Variants in ESR2 observed in about 807,000 individuals in gnomAD.
The protein encoded by ESR2 is estrogen receptor beta.
In ESR2, 36 loss-of-function variants were observed where a neutral mutation model predicts 49.6. The ratio of observed to expected loss-of-function variants is 0.73; its 90% confidence interval spans 0.56 to 0.96. ESR2 has a LOEUF of 0.96. ESR2 is among the 40% of genes least tolerant of loss of function. ESR2 has a pLI of 0.00. For missense variants in ESR2, 714 were observed against 693.0 expected, an observed-to-expected ratio of 1.03 and a Z score of -0.34; for synonymous variants, 320 against 266.1, an observed-to-expected ratio of 1.20 and a Z score of -1.97.
At chr14:64,258,729 C>T (rs74840684) in intron 5 of ESR2, among the ~76,000 whole-genome samples, 2 of 152,308 alleles carry the variant, frequency 1.3e-5, no homozygotes, top group Non-Finnish European at 2.9e-5. Flanking sequence ...ACATGCTTTG[C>T]TCAGTTTAGG....
intron 1 of ESR2, among the ~76,000 whole-genome samples, chr14:64,320,056 G>A (rs1461770406): frequency 1.3e-5 from 2 of 151,748 alleles, no homozygotes; most frequent in Non-Finnish European, 2.9e-5. Context: ...TAAATGGAAA[G>A]CTAAAATGTA....
At chr14:64,291,690 C>T (rs1052469991) in intron 1 of ESR2, among the ~76,000 whole-genome samples, 1 of 152,124 alleles carries the variant, frequency 6.6e-6, no homozygotes, top group Non-Finnish European at 1.5e-5. Context: ...GACATGAGCA[C>T]AGAAATTTAA....
chr14:64,259,963 C>T (rs906498205), intron 5 of ESR2, among the ~76,000 whole-genome samples: 3 of 152,136 alleles, frequency 2.0e-5, no homozygotes, highest in Non-Finnish European at 4.4e-5. Context: ...TTCCAGGTTC[C>T]AGGACTCTAG....
At chr14:64,278,702 G>C (rs1349554193) in intron 3 of ESR2, among the ~76,000 whole-genome samples, 1 of 152,128 alleles carries the variant, frequency 6.6e-6, no homozygotes. Context: ...AATCAGGGCT[G>C]GTACGAGAGA....
At chr14:64,284,963 C>T (rs948444863) in intron 1 of ESR2, among the ~76,000 whole-genome samples, 1 of 151,972 alleles carries the variant, frequency 6.6e-6, no homozygotes, top group Admixed American at 6.6e-5. Context: ...GATTCTTCTG[C>T]CTCAGCATCC....
chr14:64,301,325 G>A (rs769291585), intron 1 of ESR2: 5 of 152,186 alleles, frequency 3.3e-5, no homozygotes, highest in Non-Finnish European at 5.9e-5. Context: ...CCGCATGTTT[G>A]GGTTCTTCTG....
chr14:64,311,082 C>T (rs1464487742), intron 1 of ESR2, among the ~76,000 whole-genome samples: 2 of 152,058 alleles, frequency 1.3e-5, no homozygotes, highest in African/African-American at 4.8e-5. Context: ...CAACTTATAG[C>T]TGTGCTTAGA....
intron 1 of ESR2, chr14:64,330,257 C>A (rs2077439493): frequency 6.6e-6 from 1 of 152,190 alleles, no homozygotes. Flanking sequence ...TGGAGAAACC[C>A]CATCTCTACT....
intron 7 of ESR2, among the ~76,000 whole-genome samples, chr14:64,240,583 C>T (rs541753618): frequency 6.6e-6 from 1 of 152,256 alleles, no homozygotes; most frequent in Non-Finnish European, 1.5e-5. Flanking sequence ...TTTGCGTGTA[C>T]GATTTGATGT....
At chr14:64,245,695 A>G (rs941662335) in intron 7 of ESR2, among the ~76,000 whole-genome samples, 10 of 152,064 alleles carry the variant, frequency 6.6e-5, no homozygotes, top group East Asian at 1.9e-4. Context: ...TCCCATTTGC[A>G]CAGATGCTGC....
Position 64,270,564 on chromosome 14 carries a change from G to A in ESR2, c.536-1653C>T, listed in dbSNP as rs186030894. Among the ~76,000 whole-genome samples the A allele has an allele frequency of 5.5e-4, 83 of 151,972 alleles. No homozygotes were observed. In the Middle Eastern group the frequency reaches 0.014, roughly 25 times the overall value. ...CTTCCTCTGTTGCCTAGGTTAGAGCGCAGTGGCACGATCTCGACTCACTGC... is the reference window on the plus strand; with the variant it reads ...CTTCCTCTGTTGCCTAGGTTAGAGCACAGTGGCACGATCTCGACTCACTGC... On this transcript the variant is annotated intron_variant, in intron 3 of 8. Coordinates refer to ENST00000341099, the MANE Select transcript of ESR2 (RefSeq NM_001437.3).
intron 1 of ESR2, among the ~76,000 whole-genome samples, chr14:64,291,730 A>C (rs1047336333): frequency 2.0e-5 from 3 of 152,202 alleles, no homozygotes; most frequent in Non-Finnish European, 4.4e-5. Flanking sequence ...TAAGTTGGAC[A>C]CAGACCTAAG....
chr14:64,237,055 G>A (rs2075620055), intron 7 of ESR2, among the ~76,000 whole-genome samples: 1 of 151,910 alleles, frequency 6.6e-6, no homozygotes, highest in African/African-American at 2.4e-5. Flanking sequence ...CCGCCTCCCG[G>A]TTTCAAGCAA....
chr14:64,277,688 G>A (rs1018580009), intron 3 of ESR2, among the ~76,000 whole-genome samples: 1 of 150,900 alleles, frequency 6.6e-6, no homozygotes, highest in Non-Finnish European at 1.5e-5. Flanking sequence ...TACCATCCTG[G>A]CCTATTTGAG....
At chr14:64,298,569 G>C (rs79837534), upstream of ESR2, 1 of 152,246 alleles carries the variant, frequency 6.6e-6, no homozygotes, top group Non-Finnish European at 1.5e-5. Flanking sequence ...ATTGATCTGC[G>C]TTGGACTGGG....
intron 3 of ESR2, among the ~76,000 whole-genome samples, chr14:64,274,619 T>G (rs545122890): frequency 6.6e-6 from 1 of 152,286 alleles, no homozygotes; most frequent in South Asian, 2.1e-4. Flanking sequence ...TTTGATCTTT[T>G]TATGAATATT....
At chr14:64,243,338 A>T (rs2075778202) in intron 7 of ESR2, among the ~76,000 whole-genome samples, 1 of 152,266 alleles carries the variant, frequency 6.6e-6, no homozygotes, top group African/African-American at 2.4e-5. Context: ...GATCACTGTA[A>T]TAGATATAAT....
chr14:64,257,565 C>A (rs917383208), intron 5 of ESR2: 14 of 639,998 alleles, frequency 2.2e-5, no homozygotes, highest in Non-Finnish European at 2.4e-5. Flanking sequence ...AGTCTTGGAC[C>A]CCTTCTAGAG....
intron 7 of ESR2, among the ~76,000 whole-genome samples, chr14:64,242,608 CAA>C (rs879753951): frequency 1.4e-5 from 2 of 141,090 alleles, no homozygotes; most frequent in Non-Finnish European, 1.6e-5. Flanking sequence ...TTCTAGTTAC[CAA>C]AAAAAAAAAA....
Sources: gnomAD v4.1 joint callset for allele counts (sites outside exome capture counted in the v4.1 genomes callset) on GRCh38, gnomAD v4.1.1 for gene constraint, MANE v1.5 for transcripts, NCBI Gene and HGNC (gene_info 2026-07-23, HGNC 2026-07-21) for gene names.